HOOK2: variants seen among roughly 807,000 people sequenced by gnomAD.
HOOK2 encodes the protein protein Hook homolog 2.
In HOOK2, 108 loss-of-function variants were observed where a neutral mutation model predicts 111.9. The observed-to-expected ratio is 0.96, with a 90% CI of 0.83 to 1.13. The LOEUF (loss-of-function observed/expected upper bound fraction) is 1.13. Ranked by LOEUF, HOOK2 falls within the 50% of genes most tolerant of loss-of-function variation. The probability of loss-of-function intolerance (pLI) is 0.00; values close to 1 mark genes in which losing one functional copy is unlikely to be tolerated. For synonymous variants in HOOK2, 405 were observed against 394.3 expected (o/e 1.03, Z -0.32); for missense variants, 978 against 951.3 (o/e 1.03, Z -0.37).
chr19:12,783,599 G>C (rs886459891), intron 3 of HOOK2, among the ~76,000 whole-genome samples: 16 of 151,938 alleles, frequency 1.1e-4, no homozygotes, highest in Admixed American at 3.3e-4. Flanking sequence ...GCTGGCTGGG[G>C]GTCTTGGGTA....
chr19:12,789,842 C>G (rs1396136178), intron 3 of HOOK2, among the ~76,000 whole-genome samples: 1 of 151,924 alleles, frequency 6.6e-6, no homozygotes, highest in Non-Finnish European at 1.5e-5. Flanking sequence ...CTGGTCGGGA[C>G]TAGCAGTCTG....
rs199665194 is a variant in HOOK2, at chr19:12,792,127, G to A, written n.42-17902C>T. The A allele has an allele frequency of 3.9e-5, 62 of 1,599,374 alleles. No homozygotes were observed. In the African/African-American group the frequency reaches 7.1e-4, roughly 18 times the overall value. ...TACCCCCGCGGGGGTGGCAGCGGTG[G>A]AGGTGCAGGGGGCGCAGGGGGCGGC... On this transcript the variant is annotated intron_variant and non_coding_transcript_variant, in intron 3 of 3. Coordinates refer to the HOOK2 transcript ENST00000589765.
Position 12,772,895 on chromosome 19 carries a change from C to T in HOOK2, c.273G>A (p.Val91=). The T allele has an allele frequency of 6.2e-7, 1 of 1,614,218 alleles. No individual in the cohort carries two copies. Among genetic ancestry groups the T allele is most frequent in the Non-Finnish European group, 8.5e-7 (1 of 1,180,056 alleles). The change falls in exon 5 of 23, where the codon GTG becomes GTA. Residue 91 remains valine (V), a synonymous_variant. Coordinates refer to ENST00000397668, the MANE Select transcript of HOOK2 (RefSeq NM_013312.3). ...EYSQDVLAHP[V]SEEHLPDVSL... The stretch of plus-strand genomic sequence containing the variant: ...TCACATCTGGGAGATGCTCTTCTGA[C>T]ACAGGATGCGCCAGGACCTGGGGAG...
chr19:12,770,221 G>A, intron 10 of HOOK2, 139 bp from the exon 11 acceptor site: 1 of 682,386 alleles, frequency 1.5e-6, no homozygotes, highest in East Asian at 3.3e-5. Flanking sequence ...GAAAGTTGAG[G>A]GTTAGGGGTC....
At chr19:12,781,041 G>T (rs1262422869), upstream of HOOK2, among the ~76,000 whole-genome samples, 1 of 145,028 alleles carries the variant, frequency 6.9e-6, no homozygotes, top group African/African-American at 2.5e-5. Flanking sequence ...GGTGGCTCAC[G>T]CAGGTAATCC....
At chr19:12,775,186 A>G (rs1263622357) in intron 1 of HOOK2, 1 of 985,030 alleles carries the variant, frequency 1.0e-6, no homozygotes, top group Non-Finnish European at 1.2e-6. Context: ...TCCTCGCCCC[A>G]CGTGAACCAA....
At chr19:12,764,499 T>G in intron 20 of HOOK2, 1 of 265,702 alleles carries the variant, frequency 3.8e-6, no homozygotes, top group Non-Finnish European at 7.2e-6. Flanking sequence ...CCAGCTAATT[T>G]TTGTATTTTT....
upstream of HOOK2, among the ~76,000 whole-genome samples, chr19:12,780,965 G>A (rs1481545078): frequency 5.0e-4 from 61 of 122,126 alleles, no homozygotes; most frequent in Middle Eastern, 6.4e-3. Context: ...GTGACAGAGC[G>A]AGACTCCGTC....
upstream of HOOK2, among the ~76,000 whole-genome samples, chr19:12,776,126 C>T (rs1395198281): frequency 6.6e-6 from 1 of 150,548 alleles, no homozygotes; most frequent in East Asian, 2.0e-4. Flanking sequence ...ATCCGCCCGC[C>T]TCGGCCTCCC....
chr19:12,783,154 C>G (rs1006701730), upstream of HOOK2, among the ~76,000 whole-genome samples: 104 of 152,198 alleles, frequency 6.8e-4, no homozygotes, highest in Admixed American at 2.1e-3. Flanking sequence ...CCGCGTGTGA[C>G]TCAGGCCCCT....
In HOOK2 at chr19:12,767,997, G is replaced by A. The variant is rs754342329; in HGVS notation, c.1215+16C>T. On this transcript the variant is annotated intron_variant, in intron 12 of 22. Coordinates refer to ENST00000397668, the MANE Select transcript of HOOK2 (RefSeq NM_013312.3). Reference sequence around the variant, plus strand: ...ATTGGCAGGGTGGGGCTTGGGCAGTGGAACCTCAGCCTCACCTCCTTCTCC... The same window carrying A: ...ATTGGCAGGGTGGGGCTTGGGCAGTAGAACCTCAGCCTCACCTCCTTCTCC... 27 of 1,612,748 alleles carry A rather than the reference G, an allele frequency of 1.7e-5. No individual in the cohort carries two copies. The highest frequency in any genetic ancestry group is 2.1e-5 in the Non-Finnish European group (25 of 1,178,808).
chr19:12,764,862 C>T lies in HOOK2; in HGVS notation c.1779G>A (p.Leu593=). The T allele has an allele frequency of 6.2e-7, 1 of 1,614,130 alleles. No homozygotes were observed. The highest frequency in any genetic ancestry group is 1.3e-5 in the African/African-American group (1 of 75,066). The part of the protein sequence containing the change: ...QHNLQKKDAD[L]RAMEERYRRY... The stretch of plus-strand genomic sequence containing the variant: ...GGCGGTATCGCTCCTCCATGGCCCG[C>T]AAGTCCGCGTCCTTCTTCTGCAAGT... The change falls in exon 20 of 23, where the codon TTG becomes TTA. Residue 593 remains leucine (L), a synonymous_variant. Coordinates refer to ENST00000397668, the MANE Select transcript of HOOK2 (RefSeq NM_013312.3).
In HOOK2 at chr19:12,792,305, A is replaced by T. The variant is rs753128221; in HGVS notation, n.42-18080T>A. The T allele has an allele frequency of 1.5e-5, 23 of 1,501,890 alleles. No homozygotes were observed. The African/African-American group carries it at 3.0e-4, about 19-fold the overall frequency. The allele number at this position is 1,501,890 out of a possible 1,614,324, so 93.0% of individuals were successfully genotyped here. A position where few individuals can be genotyped will look rare whatever the true frequency, so the allele number is the denominator to read the frequency against. On this transcript the variant is annotated intron_variant and non_coding_transcript_variant, in intron 3 of 3. Coordinates refer to the HOOK2 transcript ENST00000589765. ...GGGGCGTCTACGCCGGCCCGGAGCC[A>T]CCTCCCGTTTACACCAACCTCAGCA...
At position 12,767,439 on chromosome 19, in the gene HOOK2, T is replaced by C. The variant is rs374042077; in HGVS notation, c.1329A>G (p.Thr443=). 134 of 1,613,876 alleles carry C rather than the reference T, an allele frequency of 8.3e-5. No individual in the cohort carries two copies. The highest frequency in any genetic ancestry group is 1.1e-4 in the Non-Finnish European group (127 of 1,179,950). The change falls in exon 14 of 23, where the codon ACA becomes ACG. Residue 443 remains threonine (T), a synonymous_variant. Transcript: ENST00000397668. ...TCTCTGCGGCTAAGTTATCCACGGGTGTGGAGGTGGGATCCAGTGAGGGAT... is the reference window on the plus strand; with the variant it reads ...TCTCTGCGGCTAAGTTATCCACGGGCGTGGAGGTGGGATCCAGTGAGGGAT... The part of the protein sequence containing the change: ...QADPSLDPTS[T]PVDNLAAEIL...
chr19:12,783,930 G>A (rs1189334399), intron 3 of HOOK2, among the ~76,000 whole-genome samples: 1 of 152,070 alleles, frequency 6.6e-6, no homozygotes, highest in Non-Finnish European at 1.5e-5. Flanking sequence ...GAAGTGAGAG[G>A]CGGGGCAGGA....
Position 12,763,149 on chromosome 19 carries a change from TC to T in HOOK2, c.*132del. The T allele has an allele frequency of 4.6e-6, 2 of 434,968 alleles. No homozygotes were observed. The highest frequency in any genetic ancestry group is 8.9e-6 in the Non-Finnish European group (2 of 224,804). 26.9% of individuals were successfully genotyped at this position (434,968 alleles called of 1,614,324 possible). ...ACCTCCCGCCCTCCCTCCCCACCAA[TC>T]TGGGAGAGGGAAGAGCAGAGATCAT... On this transcript the variant is annotated 3_prime_UTR_variant, in exon 23 of 23. Coordinates refer to ENST00000397668, the MANE Select transcript of HOOK2 (RefSeq NM_013312.3).
intron 11 of HOOK2, 120 bp from the exon 12 acceptor site, chr19:12,768,243 G>A: frequency 1.3e-6 from 1 of 765,232 alleles, no homozygotes; most frequent in Non-Finnish European, 2.1e-6. Context: ...TTACTATGGT[G>A]CTTTCAGCTG....
chr19:12,768,988 C>A (rs1394353813), intron 11 of HOOK2, among the ~76,000 whole-genome samples: 2 of 129,914 alleles, frequency 1.5e-5, no homozygotes, highest in Admixed American at 1.6e-4. Flanking sequence ...TTTTTCGAGA[C>A]GGAGTCTTGC....
intron 13 of HOOK2, 143 bp downstream of exon 13, chr19:12,767,673 C>G: frequency 1.1e-6 from 1 of 877,350 alleles, no homozygotes. Context: ...CCTCTCTCTT[C>G]AATTTGACCG....
Sources: gnomAD v4.1 joint callset for allele counts (sites outside exome capture counted in the v4.1 genomes callset) on GRCh38, gnomAD v4.1.1 for gene constraint, MANE v1.5 for transcripts, NCBI Gene and HGNC (gene_info 2026-07-23, HGNC 2026-07-21) for gene names.